TSHZ1: variants seen among roughly 807,000 people sequenced by gnomAD.
TSHZ1 encodes teashirt homolog 1.
A neutral mutation model predicts 67.1 loss-of-function variants in TSHZ1; 12 were observed. The observed-to-expected ratio is 0.18, with a 90% CI of 0.11 to 0.29. The LOEUF (loss-of-function observed/expected upper bound fraction) is 0.29. TSHZ1 is among the 10% of genes least tolerant of loss of function. The probability of loss-of-function intolerance (pLI) is 1.00; values close to 1 mark genes in which losing one functional copy is unlikely to be tolerated. For synonymous variants in TSHZ1, 632 were observed against 622.4 expected (o/e 1.02, Z -0.23); for missense variants, 1,305 against 1,413.9 (o/e 0.92, Z 1.23).
chr18:75,271,834 G>GA (rs1234504556), intron 1 of TSHZ1, among the ~76,000 whole-genome samples: 1 of 151,948 alleles, frequency 6.6e-6, no homozygotes, highest in African/African-American at 2.4e-5. Flanking sequence ...ACTAGCCTGG[G>GA]AATTTCCACG....
At chr18:75,248,927 C>G (rs2023257998) in intron 1 of TSHZ1, among the ~76,000 whole-genome samples, 1 of 152,282 alleles carries the variant, frequency 6.6e-6, no homozygotes, top group Non-Finnish European at 1.5e-5. Flanking sequence ...GGGTCACCCA[C>G]CAGCAGCAGT....
At chr18:75,278,766 G>A (rs894793634) in intron 1 of TSHZ1, among the ~76,000 whole-genome samples, 4 of 152,118 alleles carry the variant, frequency 2.6e-5, no homozygotes, top group African/African-American at 9.7e-5. Context: ...GGAGGTGGTC[G>A]TCCGGAGGTG....
intron 1 of TSHZ1, among the ~76,000 whole-genome samples, chr18:75,232,711 C>T (rs2023016015): frequency 6.6e-6 from 1 of 152,216 alleles, no homozygotes; most frequent in Non-Finnish European, 1.5e-5. Context: ...GATGGTCCCA[C>T]ATCTTTTACT....
intron 1 of TSHZ1, among the ~76,000 whole-genome samples, chr18:75,269,344 G>A (rs2023529724): frequency 6.6e-6 from 1 of 152,180 alleles, no homozygotes; most frequent in African/African-American, 2.4e-5. Context: ...AGGATCCAAG[G>A]TCCACTACGA....
intron 1 of TSHZ1, among the ~76,000 whole-genome samples, chr18:75,219,224 G>A (rs1017328736): frequency 1.3e-5 from 2 of 152,188 alleles, no homozygotes; most frequent in African/African-American, 4.8e-5. Flanking sequence ...ATATCAGCAT[G>A]TTTGATAGAT....
intron 1 of TSHZ1, among the ~76,000 whole-genome samples, chr18:75,215,047 G>A (rs867918731): frequency 4.0e-5 from 6 of 151,684 alleles, no homozygotes; most frequent in African/African-American, 1.2e-4. Flanking sequence ...AATGACCTCC[G>A]TAATCCTGGC....
intron 1 of TSHZ1, among the ~76,000 whole-genome samples, chr18:75,240,138 T>C (rs996103666): frequency 6.6e-6 from 1 of 152,212 alleles, no homozygotes; most frequent in Non-Finnish European, 1.5e-5. Flanking sequence ...CTTGGAGAGT[T>C]TAACGTTTTA....
At chr18:75,283,242 T>C (rs2023708550) in intron 1 of TSHZ1, 1 of 152,320 alleles carries the variant, frequency 6.6e-6, no homozygotes. Context: ...CTGCACCTTG[T>C]AGCCCAAGCC....
rs886054113 is a variant in TSHZ1, at chr18:75,286,994, C to T, written c.1587C>T (p.Pro529=). ...AGGACAGCTTGGAGAAATTTGAGCCCAGCACCCTGTACCCGTACCTGCGTG... is the reference window on the plus strand; with the variant it reads ...AGGACAGCTTGGAGAAATTTGAGCCTAGCACCCTGTACCCGTACCTGCGTG... ...ESEDSLEKFE[P]STLYPYLREE... is the part of the protein sequence containing the mutation. The change falls in exon 2 of 2, where the codon CCC becomes CCT. Residue 529 remains proline, a synonymous_variant. Transcript: ENST00000580243. This position sits in a 1 kb window ranked among gnomAD's most constrained non-coding sequence, Gnocchi z 5.1. 2 of 1,613,988 alleles carry T rather than the reference C, an allele frequency of 1.2e-6. No individual in the cohort carries two copies. The highest frequency in any genetic ancestry group is 2.2e-5 in the South Asian group (2 of 91,082).
At chr18:75,216,971 G>C (rs1599367419) in intron 1 of TSHZ1, among the ~76,000 whole-genome samples, 1 of 152,246 alleles carries the variant, frequency 6.6e-6, no homozygotes, top group Non-Finnish European at 1.5e-5. Flanking sequence ...AAGGTTAATT[G>C]TGCCCTGTGC....
At chr18:75,242,308 C>T (rs1307974094) in intron 1 of TSHZ1, among the ~76,000 whole-genome samples, 1 of 152,160 alleles carries the variant, frequency 6.6e-6, no homozygotes, top group Non-Finnish European at 1.5e-5. Context: ...CATTGCTGGC[C>T]CCACAGTGAC....
intron 1 of TSHZ1, among the ~76,000 whole-genome samples, chr18:75,251,601 T>C (rs1205950976): frequency 6.6e-6 from 1 of 151,624 alleles, no homozygotes; most frequent in Non-Finnish European, 1.5e-5. Context: ...AAAACGATCA[T>C]ATTCCTGGGC....
intron 1 of TSHZ1, among the ~76,000 whole-genome samples, chr18:75,223,596 G>A (rs1006374442): frequency 2.6e-5 from 4 of 151,298 alleles, no homozygotes; most frequent in Non-Finnish European, 4.4e-5. Flanking sequence ...ATGGTTTTGT[G>A]GTTGGGGCTT....
At chr18:75,274,249 G>T (rs1405860125) in intron 1 of TSHZ1, among the ~76,000 whole-genome samples, 1 of 152,100 alleles carries the variant, frequency 6.6e-6, no homozygotes, top group Non-Finnish European at 1.5e-5. Flanking sequence ...GGGGAAAAAT[G>T]TCATTTATTT....
intron 1 of TSHZ1, among the ~76,000 whole-genome samples, chr18:75,219,005 A>G (rs2022810180): frequency 6.6e-6 from 1 of 152,268 alleles, no homozygotes; most frequent in Admixed American, 6.5e-5. Flanking sequence ...CAGAATATTA[A>G]GAATGAAAAT....
rs1417295445 is a variant in TSHZ1 at position 75,289,609 on chromosome 18, C to A, written c.*968C>A. 6.0e-6 allele frequency: 1 copy of A among 166,996 alleles called. No homozygotes were observed. The highest frequency in any genetic ancestry group is 1.9e-4 in the East Asian group (1 of 5,206). 10.3% of individuals were successfully genotyped at this position (166,996 alleles called of 1,614,324 possible). On this transcript the variant is annotated 3_prime_UTR_variant, in exon 2 of 2. Transcript: ENST00000580243. ...TTTAATCTCTTCAACTTTCTTTGTA[C>A]CTTCTGGCTGTATGCTTTCTCTTTT... is the stretch of plus-strand genomic sequence containing the variant.
chr18:75,237,956 G>A (rs943725573), intron 1 of TSHZ1, among the ~76,000 whole-genome samples: 1 of 152,074 alleles, frequency 6.6e-6, no homozygotes, highest in East Asian at 1.9e-4. Flanking sequence ...GGGATTACAG[G>A]CCTGTGCCAC....
Position 75,287,675 on chromosome 18 carries a change from C to G in TSHZ1, c.2268C>G (p.His756Gln). ...LSALQSIMNT[H>Q]LGKVSKPVSP... Reference sequence around the variant, plus strand: ...CTTTGCAGTCCATCATGAACACCCACCTGGGCAAGGTGTCCAAGCCCGTGA... The same window carrying G: ...CTTTGCAGTCCATCATGAACACCCAGCTGGGCAAGGTGTCCAAGCCCGTGA... Residue 756 changes from histidine (H) to glutamine (Q), a missense_variant, in exon 2 of 2, where the codon CAC becomes CAG. His to Gln is a conservative substitution (Grantham distance 24). Transcript: ENST00000580243. This position sits in a 1 kb window ranked among gnomAD's most constrained non-coding sequence, Gnocchi z 5.0. 1 of 1,614,218 alleles carries G rather than the reference C, an allele frequency of 6.2e-7. No individual in the cohort carries two copies. Among genetic ancestry groups the G allele is most frequent in the Admixed American group, 1.7e-5 (1 of 60,038 alleles).
Position 75,289,777 on chromosome 18 carries a change from G to A in TSHZ1, c.*1136G>A, listed in dbSNP as rs2023837023. The A allele has an allele frequency of 6.0e-6, 1 of 167,104 alleles. No individual in the cohort carries two copies. Among genetic ancestry groups the A allele is most frequent in the African/African-American group, 2.4e-5 (1 of 41,448 alleles). The allele number at this position is 167,104 out of a possible 1,614,324, so 10.4% of individuals were successfully genotyped here. ...GCATCTCTCCAGATGCATGTACTCAGAGGGACTGTCAGACAAAAATAAATA... is the reference window on the plus strand; with the variant it reads ...GCATCTCTCCAGATGCATGTACTCAAAGGGACTGTCAGACAAAAATAAATA... On this transcript the variant is annotated 3_prime_UTR_variant, in exon 2 of 2. Coordinates refer to ENST00000580243, the MANE Select transcript of TSHZ1 (RefSeq NM_001308210.2).
Sources: allele counts gnomAD v4.1 joint callset (sites outside exome capture counted in the v4.1 genomes callset), GRCh38; gene constraint gnomAD v4.1.1; non-coding constraint Gnocchi (gnomAD v3.1); transcripts MANE v1.5; gene names NCBI Gene and HGNC (gene_info 2026-07-23, HGNC 2026-07-21).